IRF2: variants seen among roughly 807,000 people sequenced by gnomAD.
IRF2 encodes interferon regulatory factor 2.
In IRF2, 15 loss-of-function variants were observed where a neutral mutation model predicts 40.6. That is an observed-to-expected ratio of 0.37 (90% confidence interval 0.25 to 0.57). The LOEUF is 0.57. IRF2 is among the 20% of genes least tolerant of loss of function. The pLI, the probability that IRF2 is intolerant of heterozygous loss-of-function variation, is 0.77. For missense variants in IRF2, 317 were observed against 455.7 expected (o/e 0.70, Z 2.77); for synonymous variants, 151 against 165.5 (o/e 0.91, Z 0.67).
In IRF2 at chr4:184,421,522, C is replaced by T. The variant is rs80307045; in HGVS notation, c.88-1954G>A. 2.7e-3 allele frequency among the ~76,000 whole-genome samples: 408 copies of T among 152,244 alleles called. 1 individual carries two copies. Among genetic ancestry groups the T allele is most frequent in the African/African-American group, 9.2e-3 (383 of 41,540 alleles). Reference sequence around the variant, plus strand: ...ATGAAAATGAATACAAGTGAAAATTCATTTCGTGAAAGAGCTTTTCCTGAA... The same window carrying T: ...ATGAAAATGAATACAAGTGAAAATTTATTTCGTGAAAGAGCTTTTCCTGAA... On this transcript the variant is annotated intron_variant, in intron 2 of 8. Transcript: ENST00000393593.
intron 5 of IRF2, among the ~76,000 whole-genome samples, chr4:184,409,441 C>A (rs532527853): frequency 6.6e-6 from 1 of 152,184 alleles, no homozygotes; most frequent in African/African-American, 2.4e-5. Context: ...CTGTATAGCT[C>A]GGTTTTTAAA....
intron 2 of IRF2, 80 bp downstream of exon 2, chr4:184,428,898 C>A: frequency 9.0e-7 from 1 of 1,109,734 alleles, no homozygotes; most frequent in South Asian, 1.2e-5. Context: ...TGAATACACA[C>A]GATTTTACTT....
intron 2 of IRF2, among the ~76,000 whole-genome samples, chr4:184,425,392 G>C (rs1737631000): frequency 6.6e-6 from 1 of 152,242 alleles, no homozygotes; most frequent in South Asian, 2.1e-4. Context: ...CCCCAGCCGA[G>C]GCCTGCAGTG....
rs768030620 is a variant in IRF2 at position 184,398,919 on chromosome 4, A to G, written c.690T>C (p.Tyr230=). 5.6e-6 allele frequency: 9 copies of G among 1,602,938 alleles called. No homozygotes were observed. Among genetic ancestry groups the G allele is most frequent in the African/African-American group, 1.3e-5 (1 of 74,238 alleles). The change falls in exon 7 of 9, where the codon TAT becomes TAC. Residue 230 remains tyrosine, a synonymous_variant. Coordinates refer to ENST00000393593, the MANE Select transcript of IRF2 (RefSeq NM_002199.4). ...YPLQISPVSS[Y]AESETTDSVP... ...GAGCCTCCCGCTGACGCTTACCTGC[A>G]TAGGAAGACACGGGGGAGATCTGCA...
chr4:184,430,394 C>A (rs1015901081), intron 1 of IRF2, among the ~76,000 whole-genome samples: 2 of 147,106 alleles, frequency 1.4e-5, no homozygotes, highest in Non-Finnish European at 3.0e-5. Context: ...CTGCTCCGTG[C>A]TCATCCCGTG....
intron 6 of IRF2, among the ~76,000 whole-genome samples, chr4:184,402,407 T>G (rs543123257): frequency 6.6e-6 from 1 of 152,192 alleles, no homozygotes; most frequent in East Asian, 1.9e-4. Flanking sequence ...TCCCCGTCAC[T>G]CGGCCGAAAC....
intron 1 of IRF2, among the ~76,000 whole-genome samples, chr4:184,461,710 A>G (rs1411412620): frequency 1.2e-4 from 2 of 16,686 alleles, no homozygotes; most frequent in African/African-American, 4.5e-4. Context: ...CCAACCCCCA[A>G]CCCCCATCTC....
chr4:184,464,493 G>GACTGTACAGGACATGAAGATAGGT (rs1739254647), intron 1 of IRF2, among the ~76,000 whole-genome samples: 1 of 152,136 alleles, frequency 6.6e-6, no homozygotes, highest in Non-Finnish European at 1.5e-5. Flanking sequence ...TGAAGATAGG[G>GACTGTACAGGACATGAAGATAGGT]ACTATACAGG....
intron 1 of IRF2, among the ~76,000 whole-genome samples, chr4:184,450,856 G>A (rs1157411390): frequency 1.3e-5 from 2 of 151,886 alleles, no homozygotes. Flanking sequence ...TTGTTTGTTT[G>A]TTGCTGTGCA....
intron 1 of IRF2, among the ~76,000 whole-genome samples, chr4:184,443,610 A>C (rs192313060): frequency 6.6e-6 from 1 of 152,012 alleles, no homozygotes; most frequent in Non-Finnish European, 1.5e-5. Flanking sequence ...TATCCGGTCC[A>C]CTGCTGATGA....
At chr4:184,399,658 A>T (rs564766648) in intron 6 of IRF2, among the ~76,000 whole-genome samples, 4 of 152,322 alleles carry the variant, frequency 2.6e-5, no homozygotes, top group African/African-American at 9.6e-5. Flanking sequence ...CAAGGTCCCC[A>T]TCTAGCTGGG....
At chr4:184,457,305 TCCCACTGGCTAAGG>T (rs921487397) in intron 1 of IRF2, among the ~76,000 whole-genome samples, 3 of 152,150 alleles carry the variant, frequency 2.0e-5, no homozygotes, top group African/African-American at 7.2e-5. Flanking sequence ...AGTTCCTGAG[TCCCACTGGCTAAGG>T]TTTGCACCTG....
rs73874623 is a variant in IRF2, at chr4:184,394,417, C to T, written c.695-3668G>A. ...CTTTTTGCACTCTGACATTCTGCTA[C>T]ACTTTCTGGAAGGCTCTTGTTCAGC... On this transcript the variant is annotated intron_variant, in intron 7 of 8. Coordinates refer to ENST00000393593, the MANE Select transcript of IRF2 (RefSeq NM_002199.4). 8.3e-3 allele frequency among the ~76,000 whole-genome samples: 1,266 copies of T among 152,338 alleles called. 12 individuals carry two copies. Among genetic ancestry groups the T allele is most frequent in the African/African-American group, 0.028 (1,169 of 41,572 alleles).
At chr4:184,405,912 G>C (rs1161952962) in intron 6 of IRF2, among the ~76,000 whole-genome samples, 2 of 152,170 alleles carry the variant, frequency 1.3e-5, no homozygotes, top group African/African-American at 4.8e-5. Context: ...GTTGGCACCT[G>C]GTGACTGAGG....
chr4:184,437,040 A>G (rs1386192568), intron 1 of IRF2, among the ~76,000 whole-genome samples: 1 of 151,994 alleles, frequency 6.6e-6, no homozygotes, highest in Non-Finnish European at 1.5e-5. Context: ...TGCATCCACT[A>G]CACCCAGCTA....
Position 184,461,625 on chromosome 4 carries a change from A to G in IRF2, c.-7+12754T>C, listed in dbSNP as rs528773825. Among the ~76,000 whole-genome samples, 4 of 152,296 alleles carry G rather than the reference A, an allele frequency of 2.6e-5. No homozygotes were observed. The South Asian group carries it at 8.3e-4, about 32-fold the overall frequency. ...TGAATAAACACCTGCTAAATAAATGACTGAATGGATGAATGATCAAAATAG... is the reference window on the plus strand; with the variant it reads ...TGAATAAACACCTGCTAAATAAATGGCTGAATGGATGAATGATCAAAATAG... On this transcript the variant is annotated intron_variant, in intron 1 of 8. Coordinates refer to ENST00000393593, the MANE Select transcript of IRF2 (RefSeq NM_002199.4).
chr4:184,405,757 T>C (rs570455614), intron 6 of IRF2, among the ~76,000 whole-genome samples: 2 of 152,258 alleles, frequency 1.3e-5, no homozygotes, highest in South Asian at 4.1e-4. Flanking sequence ...TGACAGCTAA[T>C]TATAAACGAG....
At chr4:184,439,334 G>A (rs1280752018) in intron 1 of IRF2, among the ~76,000 whole-genome samples, 63 of 144,912 alleles carry the variant, frequency 4.3e-4, no homozygotes, top group African/African-American at 1.6e-3. Flanking sequence ...AAAAAAAAGC[G>A]GGGCGGAGCG....
rs1309015444 is a variant in IRF2, at chr4:184,448,285, T to G, written c.-6-19215A>C. On this transcript the variant is annotated intron_variant, in intron 1 of 8. Coordinates refer to ENST00000393593, the MANE Select transcript of IRF2 (RefSeq NM_002199.4). The surrounding 1 kb of genome is among the most constrained non-coding windows in gnomAD (Gnocchi z 4.3). ...GTGCTTAAATGAAGCTGCTGGCGGT[T>G]TATTCGTCCTCCGTGCACCAGGATG... Among the ~76,000 whole-genome samples the G allele has an allele frequency of 6.6e-6, 1 of 152,212 alleles. No individual in the cohort carries two copies. The highest frequency in any genetic ancestry group is 6.5e-5 in the Admixed American group (1 of 15,282).
Sources: allele counts gnomAD v4.1 joint callset (sites outside exome capture counted in the v4.1 genomes callset), GRCh38; gene constraint gnomAD v4.1.1; non-coding constraint Gnocchi (gnomAD v3.1); transcripts MANE v1.5; gene names NCBI Gene and HGNC (gene_info 2026-07-23, HGNC 2026-07-21).